Variants in FMN2 observed in about 807,000 individuals in gnomAD.
FMN2 encodes the protein formin 2.
FMN2 carries 51 observed loss-of-function variants against 142.3 expected under a neutral mutation model. The observed-to-expected ratio is 0.36, with a 90% CI of 0.29 to 0.45. The LOEUF is 0.45. Ranked by LOEUF, FMN2 falls within the 20% of genes least tolerant of loss-of-function variation. FMN2 has a pLI of 1.00. For missense variants in FMN2, 1,936 were observed against 2,122.8 expected (o/e 0.91, Z 1.73); for synonymous variants, 882 against 869.8 (o/e 1.01, Z -0.25).
intron 6 of FMN2, among the ~76,000 whole-genome samples, chr1:240,222,863 A>C (rs1034106999): frequency 1.4e-4 from 21 of 152,222 alleles, no homozygotes; most frequent in African/African-American, 5.1e-4. Context: ...ACTTTGCTGA[A>C]GTTGCTTATC....
chr1:240,166,596 G>T (rs11810466), intron 2 of FMN2, among the ~76,000 whole-genome samples: 46,882 of 151,952 alleles, frequency 0.31, 7,754 homozygotes, highest in African/African-American at 0.44. Context: ...ACCATAAACA[G>T]ATTTTACATG....
chr1:240,237,233 G>A (rs1667742355), intron 6 of FMN2, among the ~76,000 whole-genome samples: 1 of 152,164 alleles, frequency 6.6e-6, no homozygotes, highest in Admixed American at 6.5e-5. Flanking sequence ...CCCTGTTGAT[G>A]GTTCTTGTGC....
intron 3 of FMN2, chr1:240,180,165 G>A (rs1469195385): frequency 9.3e-6 from 12 of 1,284,738 alleles, no homozygotes; most frequent in East Asian, 5.6e-5. Context: ...ATGCATTCTT[G>A]AAGAGGATGA....
intron 15 of FMN2, among the ~76,000 whole-genome samples, chr1:240,433,437 A>T (rs903320567): frequency 1.3e-5 from 2 of 152,232 alleles, no homozygotes; most frequent in African/African-American, 4.8e-5. Context: ...TTGCACAATG[A>T]TAAGTGCATT....
At chr1:240,346,821 T>C (rs890304128) in intron 13 of FMN2, among the ~76,000 whole-genome samples, 4 of 152,160 alleles carry the variant, frequency 2.6e-5, no homozygotes, top group Admixed American at 2.0e-4. Context: ...GAAGAAATTA[T>C]ATAACAGCAT....
Position 240,418,596 on chromosome 1 carries a change from T to C in FMN2, c.4911-19465T>C, listed in dbSNP as rs559785555. 1.5e-4 allele frequency among the ~76,000 whole-genome samples: 23 copies of C among 152,344 alleles called. No individual in the cohort carries two copies. In the South Asian group the frequency reaches 1.9e-3, roughly 12 times the overall value. On this transcript the variant is annotated intron_variant, in intron 15 of 17. Coordinates refer to ENST00000319653, the MANE Select transcript of FMN2 (RefSeq NM_020066.5). Reference sequence around the variant, plus strand: ...AAGTTCCATTTCTTTCTTAATTACATAAAGGTTACATAAAAGAAGACTGTC... The same window carrying C: ...AAGTTCCATTTCTTTCTTAATTACACAAAGGTTACATAAAAGAAGACTGTC...
chr1:240,165,477 G>A (rs1021466478), intron 2 of FMN2, among the ~76,000 whole-genome samples: 3 of 132,998 alleles, frequency 2.3e-5, no homozygotes, highest in African/African-American at 9.8e-5. Context: ...ACTCTTTGCT[G>A]AAGTCTATTT....
At chr1:240,193,814 G>T (rs1665807939) in intron 4 of FMN2, among the ~76,000 whole-genome samples, 1 of 152,178 alleles carries the variant, frequency 6.6e-6, no homozygotes, top group South Asian at 2.1e-4. Flanking sequence ...CCTCCACAAT[G>T]CCTCCAGAGT....
At chr1:240,300,127 A>G (rs1394000237) in intron 8 of FMN2, among the ~76,000 whole-genome samples, 2 of 152,212 alleles carry the variant, frequency 1.3e-5, no homozygotes, top group African/African-American at 4.8e-5. Context: ...AGGGTATACC[A>G]GAAGTTGTAG....
intron 6 of FMN2, among the ~76,000 whole-genome samples, chr1:240,229,110 T>C (rs1354574780): frequency 6.6e-6 from 1 of 152,116 alleles, no homozygotes; most frequent in Non-Finnish European, 1.5e-5. Context: ...ACTGTTGTTT[T>C]AATATTTGAC....
chr1:240,422,654 G>A (rs576731622), intron 15 of FMN2, among the ~76,000 whole-genome samples: 352 of 152,180 alleles, frequency 2.3e-3, no homozygotes, highest in Middle Eastern at 3.4e-3. Flanking sequence ...TAGATTCCTT[G>A]GCATTTTCTA....
chr1:240,404,211 C>CT (rs757986462), intron 15 of FMN2, among the ~76,000 whole-genome samples: 1 of 152,190 alleles, frequency 6.6e-6, no homozygotes, highest in African/African-American at 2.4e-5. Context: ...TGCACACATA[C>CT]TTTATCATGT....
intron 17 of FMN2, among the ~76,000 whole-genome samples, chr1:240,472,659 G>T (rs1953603): frequency 0.28 from 42,932 of 151,908 alleles, 7,006 homozygotes; most frequent in East Asian, 0.46. Flanking sequence ...CAAAACTTAA[G>T]AATTGGGCTG....
chr1:240,472,440 A>T lies in FMN2; in HGVS notation c.5129A>T (p.His1710Leu). The T allele has an allele frequency of 6.2e-7, 1 of 1,606,566 alleles. No homozygotes were observed. Among genetic ancestry groups the T allele is most frequent in the Non-Finnish European group, 8.5e-7 (1 of 1,176,118 alleles). Residue 1710 changes from histidine (H) to leucine (L), a missense_variant, in exon 17 of 18, where the codon CAT (histidine) becomes CTT (leucine). Transcript: ENST00000319653. ...GKSLYKIKPR[H>L]DSGIKAKISM... ...TCACTTTATAAAATAAAACCAAGAC[A>T]TGACTCTGGAATTGTAAGTATTACT...
intron 14 of FMN2, among the ~76,000 whole-genome samples, chr1:240,382,232 A>G (rs577191992): frequency 1.3e-5 from 2 of 152,334 alleles, no homozygotes; most frequent in South Asian, 4.1e-4. Context: ...CAATGGCCAT[A>G]TACACAGAAG....
At chr1:240,400,219 A>C (rs1166588376) in intron 15 of FMN2, among the ~76,000 whole-genome samples, 4 of 152,126 alleles carry the variant, frequency 2.6e-5, no homozygotes, top group African/African-American at 9.7e-5. Flanking sequence ...ACTAGGCTGC[A>C]CCCACTAATG....
At chr1:240,165,886 G>A (rs2103300781) in intron 2 of FMN2, among the ~76,000 whole-genome samples, 1 of 151,806 alleles carries the variant, frequency 6.6e-6, no homozygotes, top group East Asian at 1.9e-4. Flanking sequence ...TGTTGGTAGG[G>A]CCAGTCTCTC....
At chr1:240,126,445 T>A (rs1212274592) in intron 2 of FMN2, among the ~76,000 whole-genome samples, 3 of 151,458 alleles carry the variant, frequency 2.0e-5, no homozygotes, top group Non-Finnish European at 2.9e-5. Flanking sequence ...TTTGCACTTA[T>A]GTATGCAATT....
intron 1 of FMN2, among the ~76,000 whole-genome samples, chr1:240,120,011 G>A (rs994116482): frequency 2.0e-5 from 3 of 152,150 alleles, no homozygotes; most frequent in Admixed American, 6.6e-5. Context: ...CTGAAGTTCT[G>A]TAGGGGAAAA....
Sources: allele counts gnomAD v4.1 joint callset (sites outside exome capture counted in the v4.1 genomes callset), GRCh38; gene constraint gnomAD v4.1.1; transcripts MANE v1.5; gene names NCBI Gene and HGNC (gene_info 2026-07-23, HGNC 2026-07-21).